LRRFIP1: variants seen among roughly 807,000 people sequenced by gnomAD.
LRRFIP1 encodes the protein LRR binding FLII interacting protein 1.
LRRFIP1 carries 62 observed loss-of-function variants against 104.4 expected under a neutral mutation model. The observed-to-expected ratio is 0.59, with a 90% CI of 0.48 to 0.73. The LOEUF (loss-of-function observed/expected upper bound fraction) is 0.73, where lower values mean the gene tolerates loss of function less well. LRRFIP1 is among the 30% of genes least tolerant of loss of function. The probability of loss-of-function intolerance (pLI) is 0.00; values close to 1 mark genes in which losing one functional copy is unlikely to be tolerated. For missense variants in LRRFIP1, 796 were observed against 824.5 expected, an observed-to-expected ratio of 0.97 and a Z score of 0.42; for synonymous variants, 300 against 299.0, an observed-to-expected ratio of 1.00 and a Z score of -0.03.
At chr2:237,743,830 C>G (rs1367812757) in intron 11 of LRRFIP1, among the ~76,000 whole-genome samples, 1 of 152,076 alleles carries the variant, frequency 6.6e-6, no homozygotes, top group East Asian at 1.9e-4. Context: ...TGGGCCACAC[C>G]CAAGCAGAGT....
chr2:237,751,262 A>G lies in LRRFIP1; in HGVS notation c.858A>G (p.Lys286=), dbSNP rs1414042169. The change falls in exon 14 of 24, where the codon AAA becomes AAG. Residue 286 remains lysine (K), a synonymous_variant. Transcript: ENST00000308482. ...DVEGKYMQGL[K]EMKDSLAEVE... is the part of the protein sequence containing the mutation. Reference sequence around the variant, plus strand: ...AAGGCAAATACATGCAGGGATTGAAAGAGATGAAGGTACCAATTCACAGAC... The same window carrying G: ...AAGGCAAATACATGCAGGGATTGAAGGAGATGAAGGTACCAATTCACAGAC... The G allele has an allele frequency of 1.9e-6, 3 of 1,608,320 alleles. No individual in the cohort carries two copies. Among genetic ancestry groups the G allele is most frequent in the Non-Finnish European group, 2.5e-6 (3 of 1,177,266 alleles).
chr2:237,749,418 G>T, intron 13 of LRRFIP1, 94 bp downstream of exon 13: 2 of 1,445,938 alleles, frequency 1.4e-6, no homozygotes, highest in East Asian at 2.5e-5. Flanking sequence ...ATAAAGTTCT[G>T]GATCTTTCTT....
chr2:237,689,668 G>T (rs1330602819), intron 1 of LRRFIP1, among the ~76,000 whole-genome samples: 4 of 152,150 alleles, frequency 2.6e-5, no homozygotes, highest in Admixed American at 2.6e-4. Flanking sequence ...TTGCTGCCTG[G>T]CCCATCCCAG....
At chr2:237,751,135 TA>T in intron 13 of LRRFIP1, 64 bp from the exon 14 acceptor site, 1 of 1,149,684 alleles carries the variant, frequency 8.7e-7, no homozygotes, top group Non-Finnish European at 1.3e-6. Flanking sequence ...CCCTGAAGTA[TA>T]AAAGATTTAG....
intron 11 of LRRFIP1, among the ~76,000 whole-genome samples, chr2:237,742,300 A>G (rs1308020469): frequency 1.3e-5 from 2 of 152,136 alleles, no homozygotes; most frequent in African/African-American, 4.8e-5. Context: ...AGGTCAGTTG[A>G]TTGCGGGCTG....
chr2:237,739,341 A>G (rs755278364), intron 11 of LRRFIP1, 32 bp downstream of exon 11: 3 of 1,529,824 alleles, frequency 2.0e-6, no homozygotes, highest in African/African-American at 2.7e-5. Context: ...GCTCCTACTC[A>G]GTGTCACCCT....
At chr2:237,633,780 C>T (rs1158798022) in intron 1 of LRRFIP1, among the ~76,000 whole-genome samples, 1 of 152,174 alleles carries the variant, frequency 6.6e-6, no homozygotes, top group Non-Finnish European at 1.5e-5. Flanking sequence ...TAATTAGGGG[C>T]TGCCAGTTCA....
intron 6 of LRRFIP1, 30 bp from the exon 7 acceptor site, chr2:237,723,518 T>C (rs964646015): frequency 1.1e-5 from 18 of 1,605,710 alleles, no homozygotes; most frequent in Non-Finnish European, 1.2e-5. Context: ...TTGCTGTTGT[T>C]TTTTTTTTCT....
rs764605705 is a variant in LRRFIP1 at position 237,772,068 on chromosome 2, C to T, written c.1510-13C>T. On this transcript the variant is annotated splice_polypyrimidine_tract_variant and intron_variant, in intron 20 of 23. Coordinates refer to ENST00000308482, the MANE Select transcript of LRRFIP1 (RefSeq NM_001137550.2). Reference sequence around the variant, plus strand: ...TAGAGAAATTAACAGATTTTACTGGCGGGTGTTTTCAGATTAAGAAACTCA... The same window carrying T: ...TAGAGAAATTAACAGATTTTACTGGTGGGTGTTTTCAGATTAAGAAACTCA... The T allele has an allele frequency of 2.3e-5, 35 of 1,548,038 alleles. No individual in the cohort carries two copies. Among genetic ancestry groups the T allele is most frequent in the African/African-American group, 4.1e-5 (3 of 73,672 alleles).
rs202120849 is a variant in LRRFIP1 at position 237,735,341 on chromosome 2, G to A, written c.555+8G>A. 579 of 1,612,036 alleles carry A rather than the reference G, an allele frequency of 3.6e-4. 2 individuals are homozygous for A. The African/African-American group carries it at 6.5e-3, about 18-fold the overall frequency. On this transcript the variant is annotated splice_region_variant and intron_variant, in intron 10 of 23. Transcript: ENST00000308482. This position sits in a 1 kb window ranked among gnomAD's most constrained non-coding sequence, Gnocchi z 4.6. The stretch of plus-strand genomic sequence containing the variant: ...ACCTCCGGCTCCCGTGCTGTAAGGC[G>A]CTTTCGGTGATACCTCCTTTCCCCC...
intron 11 of LRRFIP1, among the ~76,000 whole-genome samples, chr2:237,747,051 T>G (rs960674457): frequency 1.3e-5 from 2 of 152,112 alleles, no homozygotes; most frequent in African/African-American, 4.8e-5. Flanking sequence ...AACACCCAGG[T>G]GTGGGGTGGC....
Position 237,781,621 on chromosome 2 carries a change from TA to T in LRRFIP1, c.*2093del, listed in dbSNP as rs1435866786. Among the ~76,000 whole-genome samples, 1 of 152,200 alleles carries T rather than the reference TA, an allele frequency of 6.6e-6. No homozygotes were observed. The highest frequency in any genetic ancestry group is 6.5e-5 in the Admixed American group (1 of 15,284). On this transcript the variant is annotated 3_prime_UTR_variant, in exon 24 of 24. Coordinates refer to ENST00000308482, the MANE Select transcript of LRRFIP1 (RefSeq NM_001137550.2). Reference sequence around the variant, plus strand: ...CGATTTTTAAATTTATTTAGTAAAATAAAACTTTTTTTGCAGATGTAACGAA... The same window carrying T: ...CGATTTTTAAATTTATTTAGTAAAATAAACTTTTTTTGCAGATGTAACGAA...
At chr2:237,732,385 CCT>C (rs1559712044) in intron 8 of LRRFIP1, among the ~76,000 whole-genome samples, 1 of 152,192 alleles carries the variant, frequency 6.6e-6, no homozygotes, top group Admixed American at 6.5e-5. Flanking sequence ...CTCCCACACC[CCT>C]GTCTGCCCCA....
chr2:237,690,517 A>T (rs1479902018), intron 1 of LRRFIP1, among the ~76,000 whole-genome samples: 1 of 152,190 alleles, frequency 6.6e-6, no homozygotes, highest in African/African-American at 2.4e-5. Context: ...CAGGCAGATC[A>T]TTTGAGGTCA....
intron 19 of LRRFIP1, chr2:237,764,662 C>G: frequency 4.2e-5 from 42 of 988,692 alleles, no homozygotes; most frequent in Non-Finnish European, 5.0e-5. Context: ...AGCCAAATAG[C>G]AAATAGGTCA....
chr2:237,643,838 T>C (rs1377525156), intron 1 of LRRFIP1, among the ~76,000 whole-genome samples: 1 of 152,240 alleles, frequency 6.6e-6, no homozygotes, highest in Non-Finnish European at 1.5e-5. Context: ...TTGAAAAGGC[T>C]TGTCAGAAAT....
intron 1 of LRRFIP1, among the ~76,000 whole-genome samples, chr2:237,680,242 A>G (rs2091655529): frequency 2.0e-5 from 3 of 152,224 alleles, no homozygotes; most frequent in Non-Finnish European, 4.4e-5. Context: ...CTGCAATCCC[A>G]GCACTTGGGA....
intron 19 of LRRFIP1, chr2:237,762,830 A>G (rs771817932): frequency 1.5e-5 from 24 of 1,614,240 alleles, no homozygotes; most frequent in Non-Finnish European, 2.0e-5. Context: ...ACAGGTTCAA[A>G]GCCAAATTCT....
At position 237,648,637 on chromosome 2, in the gene LRRFIP1, A is replaced by G. The variant is rs764123409; in HGVS notation, c.96+20897A>G. Among the ~76,000 whole-genome samples, 8 of 151,678 alleles carry G rather than the reference A, an allele frequency of 5.3e-5. 1 individual carries two copies. Among genetic ancestry groups the G allele is most frequent in the Non-Finnish European group, 1.2e-4 (8 of 67,868 alleles). Reference sequence around the variant, plus strand: ...TTCCGTGAACTTGGGGGAGTCATATAAACTCAACTTTTCTTTGTCTCTCTT... The same window carrying G: ...TTCCGTGAACTTGGGGGAGTCATATGAACTCAACTTTTCTTTGTCTCTCTT... On this transcript the variant is annotated intron_variant, in intron 1 of 23. Transcript: ENST00000308482.
Sources: allele counts gnomAD v4.1 joint callset (sites outside exome capture counted in the v4.1 genomes callset), GRCh38; gene constraint gnomAD v4.1.1; non-coding constraint Gnocchi (gnomAD v3.1); transcripts MANE v1.5; gene names NCBI Gene and HGNC (gene_info 2026-07-23, HGNC 2026-07-21).